Variants in ANKRD24 observed in about 807,000 individuals in gnomAD.
The protein encoded by ANKRD24 is ankyrin repeat domain 24, also known as ankyrin repeat domain-containing protein 24.
A neutral mutation model predicts 127.8 loss-of-function variants in ANKRD24; 109 were observed. That is an observed-to-expected ratio of 0.85 (90% CI 0.73 to 1.00). ANKRD24 has a LOEUF of 1.00. ANKRD24 is among the 50% of genes least tolerant of loss of function. The pLI is 0.00. For synonymous variants in ANKRD24, 743 were observed against 671.1 expected, an observed-to-expected ratio of 1.11 and a Z score of -1.66; for missense variants, 1,648 against 1,570.2, an observed-to-expected ratio of 1.05 and a Z score of -0.84.
Position 4,212,631 on chromosome 19 carries a change from G to C in ANKRD24, c.1130G>C (p.Arg377Thr). The C allele has an allele frequency of 6.4e-7, 1 of 1,551,350 alleles. No homozygotes were observed. The highest frequency in any genetic ancestry group is 8.7e-7 in the Non-Finnish European group (1 of 1,147,036). The change falls in exon 15 of 22, where the codon AGA (arginine) becomes ACA (threonine). Residue 377 changes from arginine (R) to threonine (T), a missense_variant. Transcript: ENST00000318934. The stretch of plus-strand genomic sequence containing the variant: ...GAGCTACAGCAGTTGCTGGTGGAGA[G>C]ACAAGAGGAGAAGGAGAGCCTGGGA... ...VQELQQLLVE[R>T]QEEKESLGRE...
At chr19:4,223,391 A>ATTTT (rs1568349097) in intron 20 of ANKRD24, among the ~76,000 whole-genome samples, 2 of 84,748 alleles carry the variant, frequency 2.4e-5, no homozygotes, top group African/African-American at 1.3e-4. Flanking sequence ...ATATATATAT[A>ATTTT]TATATATATA....
At chr19:4,218,757 T>C (rs1487338562) in intron 18 of ANKRD24, among the ~76,000 whole-genome samples, 1 of 145,928 alleles carries the variant, frequency 6.9e-6, no homozygotes, top group African/African-American at 2.5e-5. Context: ...TCCTTTCTTT[T>C]TTTTTTTTTT....
Position 4,224,668 on chromosome 19 carries a change from C to A in ANKRD24, c.*163C>A. 1 of 678,308 alleles carries A rather than the reference C, an allele frequency of 1.5e-6. No individual in the cohort carries two copies. The highest frequency in any genetic ancestry group is 1.8e-5 in the South Asian group (1 of 56,950). The allele number at this position is 678,308 out of a possible 1,614,324, so 42.0% of individuals were successfully genotyped here. On this transcript the variant is annotated 3_prime_UTR_variant, in exon 22 of 22. Transcript: ENST00000318934. ...CTGCCCGACCACCCCCAGCTGGCTC[C>A]ATCACCCCACCTGGTCTCTGCACGC...
At position 4,217,453 on chromosome 19, in the gene ANKRD24, C is replaced by G; in HGVS notation, c.2293C>G (p.Arg765Gly). 1 of 1,512,800 alleles carries G rather than the reference C, an allele frequency of 6.6e-7. No individual in the cohort carries two copies. Among genetic ancestry groups the G allele is most frequent in the Non-Finnish European group, 8.8e-7 (1 of 1,132,814 alleles). The allele number at this position is 1,512,800 out of a possible 1,614,324, so 93.7% of individuals were successfully genotyped here. ...EAAEAEAGRL[R>G]ERVREAEGSG... ...CGCGGAGGCCGAGGCAGGCCGGCTG[C>G]GAGAGCGTGTCCGCGAGGCCGAGGG... The change falls in exon 18 of 22, where the codon CGA (arginine) becomes GGA (glycine). Residue 765 changes from arginine (R) to glycine (G), a missense_variant. Physicochemically the swap from Arg to Gly is moderately radical, Grantham distance 125. Coordinates refer to ENST00000318934, the MANE Select transcript of ANKRD24 (RefSeq NM_001393985.1).
intron 7 of ANKRD24, among the ~76,000 whole-genome samples, chr19:4,205,221 C>T (rs1278885093): frequency 6.6e-6 from 1 of 152,002 alleles, no homozygotes; most frequent in East Asian, 1.9e-4. Context: ...GGCAACAGAG[C>T]GAGACCCCAT....
At chr19:4,185,326 G>A (rs565522747) in intron 1 of ANKRD24, among the ~76,000 whole-genome samples, 116 of 152,128 alleles carry the variant, frequency 7.6e-4, no homozygotes, top group Non-Finnish European at 9.3e-4. Flanking sequence ...CCAGTGGGTG[G>A]TTATACAGTG....
rs1451093275 is a variant in ANKRD24, at chr19:4,223,390, TATATATA to T, written c.3297+596_3297+602del. Among the ~76,000 whole-genome samples the T allele has an allele frequency of 2.0e-3, 173 of 87,434 alleles. 2 individuals are homozygous for T. The highest frequency in any genetic ancestry group is 8.6e-3 in the African/African-American group (146 of 16,956). The allele number at this position is 87,434 out of a possible 152,430, so 57.4% of individuals were successfully genotyped here. A position where few individuals can be genotyped will look rare whatever the true frequency, so the allele number is the denominator to read the frequency against. The stretch of plus-strand genomic sequence containing the variant: ...GGCCATACATATATATATATATATA[TATATATA>T]TATATTTTTTTTTTTTTTTTTTTGA... On this transcript the variant is annotated intron_variant, in intron 20 of 21. Transcript: ENST00000318934.
In ANKRD24 at chr19:4,207,844, C is replaced by A; in HGVS notation, c.708C>A (p.Gly236=). The A allele has an allele frequency of 6.4e-7, 1 of 1,568,374 alleles. No individual in the cohort carries two copies. ...SPETVEVLLQ[G]GAQPGITDAL... ...AAACAGTGGAGGTCCTGCTGCAGGG[C>A]GGAGCCCAGCCGGGCATCACCGATG... The change falls in exon 10 of 22, where the codon GGC becomes GGA. Residue 236 remains glycine, a synonymous_variant. Coordinates refer to ENST00000318934, the MANE Select transcript of ANKRD24 (RefSeq NM_001393985.1).
chr19:4,224,029 A>G (rs1372581571), intron 20 of ANKRD24, 98 bp from the exon 21 acceptor site: 16 of 886,774 alleles, frequency 1.8e-5, no homozygotes, highest in Non-Finnish European at 2.6e-5. Flanking sequence ...GTCGGCCATC[A>G]ACGTACAGGC....
rs1164995900 is a variant in ANKRD24, at chr19:4,206,177, AAATAAAAT to A, written c.467-1064_467-1057del. On this transcript the variant is annotated intron_variant, in intron 7 of 21. Coordinates refer to ENST00000318934, the MANE Select transcript of ANKRD24 (RefSeq NM_001393985.1). ...TAAATAAATAAATAAATAAATAAAT[AAATAAAAT>A]TAAATAAATACATAAACACATAAAC... is the stretch of plus-strand genomic sequence containing the variant. Among the ~76,000 whole-genome samples, 206 of 138,058 alleles carry A rather than the reference AAATAAAAT, an allele frequency of 1.5e-3. 2 individuals carry two copies. Among genetic ancestry groups the A allele is most frequent in the African/African-American group, 5.2e-3 (195 of 37,368 alleles). 90.6% of individuals were successfully genotyped at this position (138,058 alleles called of 152,430 possible). A position where few individuals can be genotyped will look rare whatever the true frequency, so the allele number is the denominator to read the frequency against.
intron 18 of ANKRD24, 107 bp downstream of exon 18, chr19:4,218,270 C>G (rs1970242016): frequency 1.2e-6 from 1 of 829,788 alleles, no homozygotes; most frequent in Non-Finnish European, 1.6e-6. Context: ...TTTACTTGAA[C>G]AGACCTACTT....
intron 2 of ANKRD24, among the ~76,000 whole-genome samples, chr19:4,187,754 G>A (rs372744821): frequency 4.6e-5 from 7 of 152,180 alleles, no homozygotes; most frequent in South Asian, 2.1e-4. Flanking sequence ...TTTAGTTTTC[G>A]TATCATGGGA....
chr19:4,188,983 T>C (rs1968221447), intron 2 of ANKRD24, among the ~76,000 whole-genome samples: 1 of 151,950 alleles, frequency 6.6e-6, no homozygotes. Flanking sequence ...AAATATTTTG[T>C]ATTTTTAGTA....
At chr19:4,219,429 C>T (rs1333970309) in intron 18 of ANKRD24, among the ~76,000 whole-genome samples, 162 bp from the exon 19 acceptor site, 5 of 151,960 alleles carry the variant, frequency 3.3e-5, no homozygotes, top group South Asian at 4.2e-4. Flanking sequence ...ATCGCACCAC[C>T]GCACTCCAGC....
At position 4,219,588 on chromosome 19, in the gene ANKRD24, C is replaced by T. The variant is rs748311216; in HGVS notation, c.3004-3C>T. On this transcript the variant is annotated splice_polypyrimidine_tract_variant and splice_region_variant and intron_variant, in intron 18 of 21. Transcript: ENST00000318934. ...GAGAGTCATGCGTGGGCTTGGGCCA[C>T]AGGTGCAGCGTGAGGCCCTGTTCAT... 1.1e-5 allele frequency: 18 copies of T among 1,603,872 alleles called. No individual in the cohort carries two copies. In the Admixed American group the frequency reaches 2.7e-4, roughly 24 times the overall value.
At chr19:4,221,928 AC>A (rs1970462917) in intron 19 of ANKRD24, among the ~76,000 whole-genome samples, 1 of 152,146 alleles carries the variant, frequency 6.6e-6, no homozygotes. Flanking sequence ...CGTGACAACC[AC>A]AGATGTCCCC....
intron 11 of ANKRD24, 140 bp downstream of exon 11, chr19:4,208,941 T>C (rs147715480): frequency 1.2e-5 from 10 of 862,952 alleles, no homozygotes; most frequent in African/African-American, 1.7e-5. Flanking sequence ...CAGGGTATGC[T>C]GCCACCAAGT....
intron 7 of ANKRD24, among the ~76,000 whole-genome samples, chr19:4,205,023 G>T (rs1450467311): frequency 6.6e-6 from 1 of 152,126 alleles, no homozygotes; most frequent in Non-Finnish European, 1.5e-5. Context: ...GGATCATGAG[G>T]TCAGGAGATC....
intron 19 of ANKRD24, 46 bp downstream of exon 19, chr19:4,219,804 G>A: frequency 3.9e-6 from 6 of 1,536,526 alleles, no homozygotes; most frequent in Non-Finnish European, 5.3e-6. Flanking sequence ...CATCCACTCA[G>A]CAAAGGTTGG....
Sources: gnomAD v4.1 joint callset for allele counts (sites outside exome capture counted in the v4.1 genomes callset) on GRCh38, gnomAD v4.1.1 for gene constraint, MANE v1.5 for transcripts, NCBI Gene and HGNC (gene_info 2026-07-23, HGNC 2026-07-21) for gene names.